The following CNTN5 variants were observed in gnomAD, a reference collection of about 807,000 sequenced individuals.
CNTN5 encodes the protein contactin-5.
CNTN5 carries 77 observed loss-of-function variants against 129.1 expected under a neutral mutation model. The ratio of observed to expected loss-of-function variants is 0.60; its 90% CI spans 0.50 to 0.72. The LOEUF is 0.72. CNTN5 is among the 30% of genes least tolerant of loss of function. The probability of loss-of-function intolerance (pLI) is 0.00; values close to 1 mark genes in which losing one functional copy is unlikely to be tolerated. For synonymous variants in CNTN5, 509 were observed against 465.6 expected, an observed-to-expected ratio of 1.09 and a Z score of -1.20; for missense variants, 1,478 against 1,328.8, an observed-to-expected ratio of 1.11 and a Z score of -1.75.
At chr11:99,575,987 G>C (rs182992186) in intron 3 of CNTN5, among the ~76,000 whole-genome samples, 1 of 152,138 alleles carries the variant, frequency 6.6e-6, no homozygotes, top group Non-Finnish European at 1.5e-5. Context: ...AGAGGGCCCC[G>C]GTGGCCACAT....
At chr11:99,274,108 T>A (rs1863309841) in intron 1 of CNTN5, among the ~76,000 whole-genome samples, 1 of 151,816 alleles carries the variant, frequency 6.6e-6, no homozygotes, top group Non-Finnish European at 1.5e-5. Context: ...CATATTAGAC[T>A]GTGCAGATAT....
At chr11:99,181,148 G>T (rs1858038914) in intron 1 of CNTN5, among the ~76,000 whole-genome samples, 1 of 152,126 alleles carries the variant, frequency 6.6e-6, no homozygotes, top group African/African-American at 2.4e-5. Context: ...ATGTTTGTAA[G>T]CATCTAGATT....
At chr11:99,969,083 T>C (rs568112020) in intron 8 of CNTN5, among the ~76,000 whole-genome samples, 27 of 152,220 alleles carry the variant, frequency 1.8e-4, no homozygotes, top group African/African-American at 6.5e-4. Context: ...TACAATCCAA[T>C]TTCTTCCTAA....
At chr11:100,149,268 G>A (rs188269779) in intron 13 of CNTN5, among the ~76,000 whole-genome samples, 3 of 152,186 alleles carry the variant, frequency 2.0e-5, no homozygotes, top group Non-Finnish European at 4.4e-5. Context: ...TTAATGCGTT[G>A]CCTTCATTAA....
chr11:100,015,273 T>C (rs1028975493), intron 9 of CNTN5, among the ~76,000 whole-genome samples: 2 of 152,196 alleles, frequency 1.3e-5, no homozygotes, highest in African/African-American at 4.8e-5. Flanking sequence ...GGCATCATCC[T>C]AGTAGGGTGT....
At chr11:99,228,138 T>C (rs778162823) in intron 1 of CNTN5, among the ~76,000 whole-genome samples, 13 of 152,142 alleles carry the variant, frequency 8.5e-5, no homozygotes, top group Non-Finnish European at 1.2e-4. Context: ...TTTCTGATTG[T>C]TTTACTGGTT....
chr11:100,246,751 T>C (rs1465033397), intron 16 of CNTN5, among the ~76,000 whole-genome samples: 1 of 152,206 alleles, frequency 6.6e-6, no homozygotes, highest in Non-Finnish European at 1.5e-5. Context: ...AAAGATGTAT[T>C]ACTTTTTCTC....
intron 13 of CNTN5, among the ~76,000 whole-genome samples, chr11:100,156,946 G>A (rs976029938): frequency 6.6e-6 from 1 of 151,896 alleles, no homozygotes; most frequent in African/African-American, 2.4e-5. Context: ...CCAGCTCCTG[G>A]ATTCACAGAT....
intron 2 of CNTN5, among the ~76,000 whole-genome samples, chr11:99,331,515 T>C (rs1488710325): frequency 6.6e-6 from 1 of 152,090 alleles, no homozygotes; most frequent in African/African-American, 2.4e-5. Flanking sequence ...GAGGTGACTA[T>C]AGTGGAAAAT....
At chr11:99,801,844 T>A (rs1246064349) in intron 3 of CNTN5, among the ~76,000 whole-genome samples, 1 of 152,212 alleles carries the variant, frequency 6.6e-6, no homozygotes, top group Non-Finnish European at 1.5e-5. Context: ...TTTCTCTGTG[T>A]TGATTTTCAA....
chr11:99,373,910 G>T (rs1939991352), intron 2 of CNTN5, among the ~76,000 whole-genome samples: 1 of 151,818 alleles, frequency 6.6e-6, no homozygotes, highest in African/African-American at 2.4e-5. Context: ...ACAAGCCTCA[G>T]GAATTTAACC....
intron 9 of CNTN5, among the ~76,000 whole-genome samples, chr11:100,024,269 G>A (rs1941300899): frequency 6.6e-6 from 1 of 152,128 alleles, no homozygotes; most frequent in Non-Finnish European, 1.5e-5. Context: ...TGTGAAAAAG[G>A]TGCCTTGCTT....
chr11:100,194,921 T>C (rs375429670), intron 15 of CNTN5, among the ~76,000 whole-genome samples: 1 of 151,862 alleles, frequency 6.6e-6, no homozygotes, highest in Non-Finnish European at 1.5e-5. Context: ...GGAGAGAGTA[T>C]ATAAATAAGA....
chr11:99,747,531 T>A (rs1201801605), intron 3 of CNTN5, among the ~76,000 whole-genome samples: 2 of 139,138 alleles, frequency 1.4e-5, no homozygotes, highest in African/African-American at 2.7e-5. Flanking sequence ...AGTGGCACGA[T>A]CCCTGCTCAC....
chr11:99,663,266 G>A (rs1259981051), intron 3 of CNTN5, among the ~76,000 whole-genome samples: 1 of 152,118 alleles, frequency 6.6e-6, no homozygotes, highest in Non-Finnish European at 1.5e-5. Context: ...TCAGGAGTTC[G>A]AGACCAGCCT....
chr11:99,540,389 G>A (rs1948059062), intron 2 of CNTN5, among the ~76,000 whole-genome samples: 1 of 152,118 alleles, frequency 6.6e-6, no homozygotes, highest in South Asian at 2.1e-4. Flanking sequence ...AACAATGCAC[G>A]GCATTTTGCT....
chr11:99,462,756 T>G (rs1394890232), intron 2 of CNTN5, among the ~76,000 whole-genome samples: 2 of 152,074 alleles, frequency 1.3e-5, no homozygotes, highest in African/African-American at 4.8e-5. Context: ...ATTTGTAGAT[T>G]AGGACTGCAG....
intron 16 of CNTN5, 124 bp downstream of exon 16, chr11:100,224,936 G>A (rs1466557620): frequency 3.2e-5 from 31 of 963,384 alleles, no homozygotes; most frequent in Non-Finnish European, 4.3e-5. Context: ...TACAATATAT[G>A]TTATTTTCGC....
At chr11:99,669,327 A>G (rs986467583) in intron 3 of CNTN5, among the ~76,000 whole-genome samples, 3 of 152,110 alleles carry the variant, frequency 2.0e-5, no homozygotes, top group African/African-American at 7.2e-5. Context: ...ATTGCCATCT[A>G]AATTATTGTA....
Sources: allele counts gnomAD v4.1 joint callset (sites outside exome capture counted in the v4.1 genomes callset), GRCh38; gene constraint gnomAD v4.1.1; transcripts MANE v1.5; gene names NCBI Gene and HGNC (gene_info 2026-07-23, HGNC 2026-07-21).